CHD1L: variants seen among roughly 807,000 people sequenced by gnomAD.
The protein encoded by CHD1L is chromodomain helicase DNA binding protein 1 like.
CHD1L carries 118 observed loss-of-function variants against 115.9 expected under a neutral mutation model. The ratio of observed to expected loss-of-function variants is 1.02; its 90% CI spans 0.88 to 1.19. The LOEUF is 1.19. CHD1L is among the 50% of genes most tolerant of loss of function. The probability of loss-of-function intolerance (pLI) is 0.00; values close to 1 mark genes in which losing one functional copy is unlikely to be tolerated. For missense variants in CHD1L, 1,179 were observed against 1,065.3 expected, an observed-to-expected ratio of 1.11 and a Z score of -1.49; for synonymous variants, 411 against 387.1, an observed-to-expected ratio of 1.06 and a Z score of -0.72.
At chr1:147,178,321 G>A in the CHD1L span, 3 of 1,612,706 alleles carry the variant, frequency 1.9e-6, no homozygotes, top group East Asian at 6.7e-5. Flanking sequence ...GTATGAAGCT[G>A]CAGCTACCAG....
chr1:147,274,363 C>G (rs1677473717), intron 12 of CHD1L, among the ~76,000 whole-genome samples: 1 of 152,172 alleles, frequency 6.6e-6, no homozygotes, highest in Non-Finnish European at 1.5e-5. Flanking sequence ...AGTAATCGGT[C>G]ATGATTACCT....
the CHD1L span, among the ~76,000 whole-genome samples, chr1:147,229,747 A>G: frequency 6.6e-6 from 1 of 151,942 alleles, no homozygotes; most frequent in Non-Finnish European, 1.5e-5. Context: ...TTGGATTCCT[A>G]GGTATTTTAT....
At chr1:147,278,222 GTTTTTTT>G (rs71083825) in intron 14 of CHD1L, among the ~76,000 whole-genome samples, 4 of 91,130 alleles carry the variant, frequency 4.4e-5, no homozygotes, top group Admixed American at 3.2e-4. Flanking sequence ...TGTTTTTTGG[GTTTTTTT>G]TTTTTTTTTT....
chr1:147,218,438 A>G, the CHD1L span, among the ~76,000 whole-genome samples: 4 of 151,802 alleles, frequency 2.6e-5, no homozygotes, highest in African/African-American at 9.7e-5. Flanking sequence ...GGGTTTCACC[A>G]TGTTAGCCAG....
At chr1:147,237,807 A>G (rs1045910426), upstream of CHD1L, among the ~76,000 whole-genome samples, 10 of 152,322 alleles carry the variant, frequency 6.6e-5, 1 homozygote, top group East Asian at 1.9e-3. Context: ...GACCAATGTG[A>G]TGGCATGGCA....
At chr1:147,281,702 G>A (rs1163315726) in intron 15 of CHD1L, among the ~76,000 whole-genome samples, 1 of 151,722 alleles carries the variant, frequency 6.6e-6, no homozygotes, top group Non-Finnish European at 1.5e-5. Context: ...ATTTATTATG[G>A]CTTCTTAATA....
At chr1:147,227,797 C>G in the CHD1L span, among the ~76,000 whole-genome samples, 1 of 152,192 alleles carries the variant, frequency 6.6e-6, no homozygotes, top group East Asian at 1.9e-4. Context: ...AGGTCCAACC[C>G]AGAAAGAGCT....
intron 10 of CHD1L, among the ~76,000 whole-genome samples, chr1:147,270,620 C>T (rs1296011754): frequency 1.3e-5 from 2 of 152,028 alleles, no homozygotes; most frequent in Non-Finnish European, 2.9e-5. Context: ...TTCCATTGAG[C>T]AAATTGACAT....
In CHD1L at chr1:147,256,661, G is replaced by A. The variant is rs1311631553; in HGVS notation, c.494+99G>A. 4.7e-5 allele frequency: 56 copies of A among 1,185,414 alleles called. No homozygotes were observed. The East Asian group carries it at 4.9e-4, about 10-fold the overall frequency. The allele number at this position is 1,185,414 out of a possible 1,614,324, so 73.4% of individuals were successfully genotyped here. A position where few individuals can be genotyped will look rare whatever the true frequency, so the allele number is the denominator to read the frequency against. On this transcript the variant is annotated intron_variant, in intron 5 of 22. Coordinates refer to ENST00000369258, the MANE Select transcript of CHD1L (RefSeq NM_004284.6). ...TACTTTGCCTCTCCTGGCATGTCTG[G>A]TATGTCTTCCATGAGTTCTGTTTAT...
intron 12 of CHD1L, among the ~76,000 whole-genome samples, chr1:147,273,983 C>A (rs782151426): frequency 6.6e-6 from 1 of 152,148 alleles, no homozygotes; most frequent in East Asian, 1.9e-4. Context: ...TCTCACCCCT[C>A]GGTGAAGAGC....
intron 16 of CHD1L, among the ~76,000 whole-genome samples, chr1:147,284,903 A>T (rs1553964382): frequency 2.0e-5 from 3 of 152,218 alleles, no homozygotes; most frequent in Admixed American, 6.5e-5. Context: ...AATGCTAGCT[A>T]TCACTAAGAT....
chr1:147,198,459 A>C, the CHD1L span, among the ~76,000 whole-genome samples: 2 of 152,164 alleles, frequency 1.3e-5, no homozygotes, highest in Non-Finnish European at 2.9e-5. Flanking sequence ...TGGAAGCAAA[A>C]GCACAGGGTA....
chr1:147,284,269 C>G, intron 15 of CHD1L, 82 bp from the exon 16 acceptor site: 1 of 1,149,712 alleles, frequency 8.7e-7, no homozygotes, highest in East Asian at 2.6e-5. Flanking sequence ...TTCTCCTGTC[C>G]ACTTTTGTTA....
At chr1:147,189,140 G>A in the CHD1L span, among the ~76,000 whole-genome samples, 1 of 151,996 alleles carries the variant, frequency 6.6e-6, no homozygotes, top group Non-Finnish European at 1.5e-5. Context: ...TGGGTTTGGT[G>A]GTGTGCACCT....
At position 147,272,182 on chromosome 1, in the gene CHD1L, G is replaced by A. The variant is rs367735711; in HGVS notation, c.1171G>A (p.Glu391Lys). 2.0e-5 allele frequency: 33 copies of A among 1,613,404 alleles called. No individual in the cohort carries two copies. Among genetic ancestry groups the A allele is most frequent in the Non-Finnish European group, 2.6e-5 (31 of 1,179,492 alleles). The stretch of plus-strand genomic sequence containing the variant: ...TCCTCTCTGTAAAGGCTACAGCTAT[G>A]AGCGTGTGGATGGTTCTGTGAGAGG... ...DYMDYRGYSY[E>K]RVDGSVRGEE... Residue 391 changes from glutamate (E) to lysine (K), a missense_variant, in exon 12 of 23, where the codon GAG becomes AAG. Coordinates refer to ENST00000369258, the MANE Select transcript of CHD1L (RefSeq NM_004284.6).
At chr1:147,267,995 A>T (rs1005548625) in intron 9 of CHD1L, among the ~76,000 whole-genome samples, 1 of 152,134 alleles carries the variant, frequency 6.6e-6, no homozygotes, top group Non-Finnish European at 1.5e-5. Context: ...CTGTTGCCCA[A>T]CCAATGGTTA....
chr1:147,244,008 G>C (rs587745000), intron 1 of CHD1L, among the ~76,000 whole-genome samples: 1 of 152,338 alleles, frequency 6.6e-6, no homozygotes, highest in African/African-American at 2.4e-5. Context: ...GAGTCTGTAA[G>C]AATGTGTGGC....
At chr1:147,179,496 C>G in the CHD1L span, 1 of 1,577,644 alleles carries the variant, frequency 6.3e-7, no homozygotes. Context: ...CAACAAGAAG[C>G]TAAATCCAAA....
At chr1:147,277,283 A>G (rs948911867) in intron 14 of CHD1L, among the ~76,000 whole-genome samples, 1 of 152,216 alleles carries the variant, frequency 6.6e-6, no homozygotes, top group African/African-American at 2.4e-5. Context: ...ATTGGAAAGG[A>G]CTAGTCCATC....
Sources: gnomAD v4.1 joint callset for allele counts (sites outside exome capture counted in the v4.1 genomes callset) on GRCh38, gnomAD v4.1.1 for gene constraint, MANE v1.5 for transcripts, NCBI Gene and HGNC (gene_info 2026-07-23, HGNC 2026-07-21) for gene names.